The following SERPINB12 variants were observed in gnomAD, a reference collection of about 807,000 sequenced individuals.
SERPINB12 encodes serpin B12.
A neutral mutation model predicts 41.1 loss-of-function variants in SERPINB12; 57 were observed. That is an observed-to-expected ratio of 1.39 (90% CI 1.12 to 1.73). SERPINB12 has a LOEUF of 1.73. SERPINB12 is among the 40% of genes most tolerant of loss of function. SERPINB12 has a pLI of 0.00. For synonymous variants in SERPINB12, 180 were observed against 181.3 expected (o/e 0.99, Z 0.06); for missense variants, 536 against 501.9 (o/e 1.07, Z -0.65).
the SERPINB12 span, among the ~76,000 whole-genome samples, chr18:63,519,258 A>G: frequency 3.6e-4 from 55 of 152,316 alleles, 1 homozygote; most frequent in Middle Eastern, 3.4e-3. Flanking sequence ...GCCGGGAGAC[A>G]GGGACCACCC....
chr18:63,535,534 A>ACG, the SERPINB12 span, among the ~76,000 whole-genome samples: 7 of 152,220 alleles, frequency 4.6e-5, no homozygotes, highest in Non-Finnish European at 7.3e-5. Context: ...ATGAAAGTCA[A>ACG]AGAAAGGCAC....
chr18:63,529,687 G>A, the SERPINB12 span, among the ~76,000 whole-genome samples: 2 of 149,042 alleles, frequency 1.3e-5, no homozygotes, highest in Non-Finnish European at 1.5e-5. Context: ...TGCTGTGTAT[G>A]TGTGTGTGTG....
chr18:63,548,871 T>C (rs2144320323), intron 1 of SERPINB12, among the ~76,000 whole-genome samples: 1 of 152,242 alleles, frequency 6.6e-6, no homozygotes, highest in East Asian at 1.9e-4. Flanking sequence ...GTATGAAAGT[T>C]AAAAATCTTT....
At chr18:63,562,830 G>T (rs1002633403) in intron 5 of SERPINB12, among the ~76,000 whole-genome samples, 9 of 152,170 alleles carry the variant, frequency 5.9e-5, no homozygotes, top group African/African-American at 2.2e-4. Context: ...TTTAAATAGA[G>T]CTCTTCTTGA....
At chr18:63,544,579 C>G (rs569886851) in intron 1 of SERPINB12, among the ~76,000 whole-genome samples, 2 of 152,092 alleles carry the variant, frequency 1.3e-5, no homozygotes, top group Admixed American at 6.6e-5. Flanking sequence ...TTTGCTGTCT[C>G]ATAGCTTTGC....
upstream of SERPINB12, among the ~76,000 whole-genome samples, chr18:63,538,932 C>T (rs1910223437): frequency 6.6e-6 from 1 of 152,130 alleles, no homozygotes; most frequent in South Asian, 2.1e-4. Flanking sequence ...TTGCATTTCC[C>T]TAACAACTAA....
At chr18:63,519,683 A>G in the SERPINB12 span, among the ~76,000 whole-genome samples, 1 of 152,072 alleles carries the variant, frequency 6.6e-6, no homozygotes, top group Non-Finnish European at 1.5e-5. Context: ...CCAGCCCTGA[A>G]GGCTGGGAGT....
At position 63,565,482 on chromosome 18, in the gene SERPINB12, G is replaced by T. The variant is rs201284137; in HGVS notation, c.743G>T (p.Gly248Val). The change falls in exon 7 of 8, where the codon GGC becomes GTC. Residue 248 changes from glycine (G) to valine (V), a missense_variant. By Grantham distance (109) the Gly-to-Val change is moderately radical. Transcript: ENST00000382768. Reference protein sequence around the residue: ...NKSVKMMTQKGLYRIGFIEEV... With the variant: ...NKSVKMMTQKVLYRIGFIEEV... Reference sequence around the variant, plus strand: ...AGTGTGAAGATGATGACGCAAAAAGGCCTCTACAGAATTGGCTTCATAGAG... The same window carrying T: ...AGTGTGAAGATGATGACGCAAAAAGTCCTCTACAGAATTGGCTTCATAGAG... The T allele has an allele frequency of 2.0e-4, 325 of 1,613,764 alleles. No homozygotes were observed. The highest frequency in any genetic ancestry group is 2.6e-4 in the Non-Finnish European group (303 of 1,179,904).
At position 63,567,749 on chromosome 18, in the gene SERPINB12, C is replaced by T. The variant is rs1911160371; in HGVS notation, c.*738C>T. Among the ~76,000 whole-genome samples, 1 of 152,238 alleles carries T rather than the reference C, an allele frequency of 6.6e-6. No homozygotes were observed. Among genetic ancestry groups the T allele is most frequent in the Admixed American group, 6.5e-5 (1 of 15,292 alleles). The stretch of plus-strand genomic sequence containing the variant: ...CAGTTTTCCTTATTGAGTCCCCCAA[C>T]ATTATCATCAAACACTTCCCTCTGT... On this transcript the variant is annotated 3_prime_UTR_variant, in exon 8 of 8. Coordinates refer to ENST00000382768, the MANE Select transcript of SERPINB12 (RefSeq NM_001307928.2).
intron 5 of SERPINB12, among the ~76,000 whole-genome samples, chr18:63,561,751 A>G (rs938761691): frequency 1.3e-5 from 2 of 152,244 alleles, no homozygotes; most frequent in Admixed American, 1.3e-4. Context: ...AACATGATGG[A>G]AATGGAGGCC....
At position 63,561,150 on chromosome 18, in the gene SERPINB12, C is replaced by G; in HGVS notation, c.510C>G (p.Asn170Lys). 1.9e-6 allele frequency: 3 copies of G among 1,613,500 alleles called. No individual in the cohort carries two copies. Among genetic ancestry groups the G allele is most frequent in the Non-Finnish European group, 2.5e-6 (3 of 1,179,550 alleles). ...TTIESVDFQK[N>K]PEKSRQEINF... ...TTGAAAGTGTTGATTTCCAAAAAAA[C>G]CCTGAAAAATCCAGACAAGAGATTA... is the stretch of plus-strand genomic sequence containing the variant. The change falls in exon 5 of 8, where the codon AAC becomes AAG. Residue 170 changes from asparagine (N) to lysine (K), a missense_variant. Coordinates refer to ENST00000382768, the MANE Select transcript of SERPINB12 (RefSeq NM_001307928.2).
At chr18:63,562,583 T>C (rs1910949446) in intron 5 of SERPINB12, among the ~76,000 whole-genome samples, 2 of 152,216 alleles carry the variant, frequency 1.3e-5, no homozygotes, top group South Asian at 4.1e-4. Flanking sequence ...AGGGATGGGA[T>C]ACCCCTGCCT....
the SERPINB12 span, among the ~76,000 whole-genome samples, chr18:63,530,174 C>T: frequency 6.6e-6 from 1 of 152,100 alleles, no homozygotes; most frequent in Non-Finnish European, 1.5e-5. Context: ...GTAGGGCATC[C>T]CTGTCCACTG....
the SERPINB12 span, among the ~76,000 whole-genome samples, chr18:63,535,918 A>ATG: frequency 2.6e-5 from 4 of 152,196 alleles, no homozygotes; most frequent in East Asian, 1.9e-4. Context: ...AGTTACATAG[A>ATG]TGTGTGTGTA....
Position 63,542,452 on chromosome 18 carries a change from A to G in SERPINB12, c.-59A>G, listed in dbSNP as rs1214172722. On this transcript the variant is annotated 5_prime_UTR_variant, in exon 1 of 8. Coordinates refer to ENST00000382768, the MANE Select transcript of SERPINB12 (RefSeq NM_001307928.2). ...TTGATTTTTGAATTGACTTTATCAG[A>G]GCACAGACCTTAGCTGGGGACAGCC... is the stretch of plus-strand genomic sequence containing the variant. Among the ~76,000 whole-genome samples the G allele has an allele frequency of 6.6e-6, 1 of 152,140 alleles. No individual in the cohort carries two copies. The highest frequency in any genetic ancestry group is 1.5e-5 in the Non-Finnish European group (1 of 68,038).
At chr18:63,523,733 A>T in the SERPINB12 span, among the ~76,000 whole-genome samples, 2 of 152,208 alleles carry the variant, frequency 1.3e-5, no homozygotes, top group Non-Finnish European at 2.9e-5. Flanking sequence ...TTTCAGCATC[A>T]GGTCACAGCA....
Position 63,566,986 on chromosome 18 carries a change from T to C in SERPINB12, c.1253T>C (p.Phe418Ser), listed in dbSNP as rs1312191534. The C allele has an allele frequency of 6.2e-7, 1 of 1,604,212 alleles. No homozygotes were observed. The highest frequency in any genetic ancestry group is 1.1e-5 in the South Asian group (1 of 88,832). Residue 418 changes from phenylalanine (F) to serine (S), a missense_variant, in exon 8 of 8, where the codon TTT becomes TCT. By Grantham distance (155) the Phe-to-Ser change is radical (BLOSUM62 -2). Transcript: ENST00000382768. ...CACAACAAAACCCAAACCATTCTCT[T>C]TTATGGCAGGGTCTGCTCTCCTTAA... is the stretch of plus-strand genomic sequence containing the variant. ...IRHNKTQTIL[F>S]YGRVCSP is the part of the protein sequence containing the mutation.
the SERPINB12 span, among the ~76,000 whole-genome samples, chr18:63,526,309 T>A: frequency 1.3e-5 from 2 of 152,100 alleles, no homozygotes; most frequent in Non-Finnish European, 2.9e-5. Flanking sequence ...TTACTAATAC[T>A]TATTTACTTA....
upstream of SERPINB12, among the ~76,000 whole-genome samples, chr18:63,541,677 A>G (rs1292239433): frequency 6.6e-6 from 1 of 152,118 alleles, no homozygotes; most frequent in African/African-American, 2.4e-5. Flanking sequence ...AGAGAAGTAG[A>G]GGGAGAAAGA....
Sources: gnomAD v4.1 joint callset for allele counts (sites outside exome capture counted in the v4.1 genomes callset) on GRCh38, gnomAD v4.1.1 for gene constraint, MANE v1.5 for transcripts, NCBI Gene and HGNC (gene_info 2026-07-23, HGNC 2026-07-21) for gene names.